Variants in CALN1 observed in about 807,000 individuals in gnomAD.
CALN1 encodes the protein calneuron 1.
In CALN1, 17 loss-of-function variants were observed where a neutral mutation model predicts 30.6. The ratio of observed to expected loss-of-function variants is 0.56; its 90% CI spans 0.38 to 0.83. The LOEUF is 0.83. Among genes scored for constraint, CALN1 ranks in the 40% least tolerant of loss-of-function variants. The probability of loss-of-function intolerance (pLI) is 0.00; values close to 1 mark genes in which losing one functional copy is unlikely to be tolerated. For missense variants in CALN1, 291 were observed against 354.9 expected (o/e 0.82, Z 1.45); for synonymous variants, 156 against 131.4 (o/e 1.19, Z -1.28).
intron 2 of CALN1, among the ~76,000 whole-genome samples, chr7:72,387,208 G>A (rs1256669002): frequency 8.2e-6 from 1 of 122,352 alleles, no homozygotes; most frequent in Non-Finnish European, 1.7e-5. Context: ...GAGGGAGGGA[G>A]GGAAGGAAGG....
At chr7:72,449,700 G>A (rs925548918), upstream of CALN1, among the ~76,000 whole-genome samples, 3 of 151,666 alleles carry the variant, frequency 2.0e-5, no homozygotes, top group South Asian at 6.2e-4. Context: ...GTGAAACCCC[G>A]TCTCTACTAA....
chr7:72,406,979 G>A (rs1806739124), intron 1 of CALN1, among the ~76,000 whole-genome samples: 1 of 152,038 alleles, frequency 6.6e-6, no homozygotes, highest in African/African-American at 2.4e-5. Context: ...AATGCCCCTG[G>A]AACACTGCCC....
At chr7:72,322,534 G>A (rs1488129188) in intron 2 of CALN1, among the ~76,000 whole-genome samples, 3 of 152,016 alleles carry the variant, frequency 2.0e-5, no homozygotes, top group African/African-American at 7.2e-5. Context: ...TATAAATTCT[G>A]ACCAGGAGTG....
chr7:72,236,420 T>C (rs1028584086), intron 3 of CALN1, among the ~76,000 whole-genome samples: 3 of 152,212 alleles, frequency 2.0e-5, no homozygotes, highest in African/African-American at 7.2e-5. Flanking sequence ...GGATGGTCTC[T>C]CATCGAGCAA....
chr7:72,379,420 G>C (rs1287727043), intron 2 of CALN1, among the ~76,000 whole-genome samples: 2 of 152,214 alleles, frequency 1.3e-5, no homozygotes, highest in Non-Finnish European at 2.9e-5. Flanking sequence ...GTGCATACCA[G>C]ACACCAGACT....
intron 5 of CALN1, among the ~76,000 whole-genome samples, chr7:71,818,686 T>TTATG (rs1372365955): frequency 1.4e-5 from 2 of 143,872 alleles, no homozygotes; most frequent in Non-Finnish European, 3.0e-5. Context: ...ATTTATTTAT[T>TTATG]TATTTATTTA....
intron 3 of CALN1, among the ~76,000 whole-genome samples, chr7:72,153,843 T>A (rs1437559545): frequency 6.6e-6 from 1 of 152,204 alleles, no homozygotes; most frequent in African/African-American, 2.4e-5. Context: ...CTGCCTAGTA[T>A]CAGCCTGGGA....
At chr7:72,374,267 G>C (rs765231496) in intron 2 of CALN1, among the ~76,000 whole-genome samples, 1 of 152,152 alleles carries the variant, frequency 6.6e-6, no homozygotes, top group African/African-American at 2.4e-5. Context: ...AGTGGCTCAC[G>C]CCTATAATCC....
the CALN1 span, among the ~76,000 whole-genome samples, chr7:72,453,993 A>AATATATATATATATAT: frequency 1.1e-4 from 16 of 148,212 alleles, no homozygotes; most frequent in African/African-American, 4.0e-4. Flanking sequence ...ACAACCAAAA[A>AATATATATATATATAT]ATATATATAT....
chr7:72,102,986 T>C (rs1175248986), intron 4 of CALN1, among the ~76,000 whole-genome samples: 3 of 148,132 alleles, frequency 2.0e-5, no homozygotes, highest in African/African-American at 7.6e-5. Flanking sequence ...GGCAGGAGAA[T>C]TGCTTAAACC....
intron 2 of CALN1, among the ~76,000 whole-genome samples, chr7:72,293,039 T>A (rs746937991): frequency 2.6e-5 from 4 of 152,060 alleles, no homozygotes; most frequent in African/African-American, 4.8e-5. Context: ...CTCCTATGCT[T>A]ATCTCCCTGG....
At chr7:72,315,758 T>C (rs555555580) in intron 2 of CALN1, among the ~76,000 whole-genome samples, 2 of 151,438 alleles carry the variant, frequency 1.3e-5, no homozygotes, top group Non-Finnish European at 2.9e-5. Context: ...TTGGTAAGGA[T>C]GGATAGAAAT....
chr7:72,147,481 G>GATGTGGAGACATAGGAAC (rs775589538), intron 3 of CALN1, among the ~76,000 whole-genome samples: 1 of 100,834 alleles, frequency 9.9e-6, no homozygotes, highest in African/African-American at 3.8e-5. Flanking sequence ...TGTTGGAGAG[G>GATGTGGAGACATAGGAAC]ACTGTTACAC....
intron 3 of CALN1, among the ~76,000 whole-genome samples, chr7:72,233,142 CT>C (rs1374175730): frequency 6.7e-6 from 1 of 149,402 alleles, no homozygotes. Context: ...TTTTTCGTCA[CT>C]ATTTTTACTG....
chr7:72,005,893 C>A (rs2129528864), intron 5 of CALN1, among the ~76,000 whole-genome samples: 1 of 151,576 alleles, frequency 6.6e-6, no homozygotes, highest in Middle Eastern at 3.4e-3. Context: ...ACACAGAAAC[C>A]TACACACATG....
chr7:71,995,931 C>T (rs1157176455), intron 5 of CALN1, among the ~76,000 whole-genome samples: 1 of 152,106 alleles, frequency 6.6e-6, no homozygotes, highest in East Asian at 1.9e-4. Flanking sequence ...GCTTAGGAAG[C>T]CTCCTTGTTC....
chr7:72,240,675 TGTTAA>T (rs1794770808), intron 3 of CALN1, among the ~76,000 whole-genome samples: 1 of 152,252 alleles, frequency 6.6e-6, no homozygotes, highest in African/African-American at 2.4e-5. Flanking sequence ...GATTCGTTGC[TGTTAA>T]GTTTATTCCT....
intron 2 of CALN1, among the ~76,000 whole-genome samples, chr7:72,320,001 A>G (rs1321377315): frequency 6.6e-6 from 1 of 152,164 alleles, no homozygotes; most frequent in Non-Finnish European, 1.5e-5. Flanking sequence ...TAAAAATACA[A>G]AAACAAATTA....
intron 2 of CALN1, among the ~76,000 whole-genome samples, chr7:72,402,690 C>A (rs1240021634): frequency 1.3e-5 from 2 of 152,134 alleles, no homozygotes; most frequent in Non-Finnish European, 2.9e-5. Context: ...ATAGAAAACT[C>A]CTCACCCCGA....
Sources: gnomAD v4.1 joint callset for allele counts (sites outside exome capture counted in the v4.1 genomes callset) on GRCh38, gnomAD v4.1.1 for gene constraint, MANE v1.5 for transcripts, NCBI Gene and HGNC (gene_info 2026-07-23, HGNC 2026-07-21) for gene names.